The following SLC35C1 variants were observed in gnomAD, a reference collection of about 807,000 sequenced individuals.
SLC35C1 encodes the protein solute carrier family 35 member C1, also known as GDP-fucose transporter 1.
Under a neutral mutation model 23.2 loss-of-function variants are expected in SLC35C1, and 8 were observed. The ratio of observed to expected loss-of-function variants is 0.35; its 90% CI spans 0.20 to 0.62. The LOEUF (loss-of-function observed/expected upper bound fraction) is 0.62, where lower values mean the gene tolerates loss of function less well. Ranked by LOEUF, SLC35C1 falls within the 20% of genes least tolerant of loss-of-function variation. The pLI is 0.75. For missense variants in SLC35C1, 422 were observed against 478.6 expected, an observed-to-expected ratio of 0.88 and a Z score of 1.10; for synonymous variants, 226 against 225.1, an observed-to-expected ratio of 1.00 and a Z score of -0.04.
At chr11:45,807,015 TA>T in intron 1 of SLC35C1, 1 of 517,128 alleles carries the variant, frequency 1.9e-6, no homozygotes, top group Non-Finnish European at 2.5e-6. Context: ...GAAATTATGC[TA>T]ATTATTTCAC....
chr11:45,812,275 G>C lies in SLC35C1; in HGVS notation c.*940G>C. ...GCCTTCCACCCCAGCTGTGTCTGGC[G>C]CCCCTAGATCTCTGCAAGGGAGGTG... On this transcript the variant is annotated 3_prime_UTR_variant, in exon 2 of 2. Transcript: ENST00000314134. 3.5e-6 allele frequency: 1 copy of C among 287,310 alleles called. No individual in the cohort carries two copies. Among genetic ancestry groups the C allele is most frequent in the Non-Finnish European group, 7.1e-6 (1 of 141,110 alleles). The allele number at this position is 287,310 out of a possible 1,614,324, so 17.8% of individuals were successfully genotyped here.
rs182686187 is a variant in SLC35C1, at chr11:45,812,309, G to C, written c.*974G>C. The stretch of plus-strand genomic sequence containing the variant: ...TCTCTGCAAGGGAGGTGTTACAGCT[G>C]GTTCTGAGCCGCTTGCCTTGTGATG... On this transcript the variant is annotated 3_prime_UTR_variant, in exon 2 of 2. Coordinates refer to ENST00000314134, the MANE Select transcript of SLC35C1 (RefSeq NM_018389.5). 1.3e-4 allele frequency: 44 copies of C among 345,544 alleles called. No individual in the cohort carries two copies. The East Asian group carries it at 3.2e-3, about 25-fold the overall frequency. The allele number at this position is 345,544 out of a possible 1,614,324, so 21.4% of individuals were successfully genotyped here.
In SLC35C1 at chr11:45,812,918, C is replaced by G. The variant is rs560449996; in HGVS notation, c.*1583C>G. On this transcript the variant is annotated 3_prime_UTR_variant, in exon 2 of 2. Transcript: ENST00000314134. The stretch of plus-strand genomic sequence containing the variant: ...CTAGGGAGAGCGGGTCTTCTCCCCC[C>G]TCCCTCTCCAGTCCCCTCACAATCC... 6.5e-6 allele frequency: 2 copies of G among 305,886 alleles called. No homozygotes were observed. Among genetic ancestry groups the G allele is most frequent in the African/African-American group, 4.3e-5 (2 of 46,300 alleles). The allele number at this position is 305,886 out of a possible 1,614,324, so 18.9% of individuals were successfully genotyped here.
At position 45,812,476 on chromosome 11, in the gene SLC35C1, C is replaced by T. The variant is rs1565044709; in HGVS notation, c.*1141C>T. ...ACAACAGAAACGTATTGCTCACAGT[C>T]CTGGGGGGCTGGGACGCCCAAGATC... On this transcript the variant is annotated 3_prime_UTR_variant, in exon 2 of 2. Coordinates refer to ENST00000314134, the MANE Select transcript of SLC35C1 (RefSeq NM_018389.5). 2 of 451,936 alleles carry T rather than the reference C, an allele frequency of 4.4e-6. No individual in the cohort carries two copies. The highest frequency in any genetic ancestry group is 1.4e-4 in the East Asian group (2 of 14,388). The allele number at this position is 451,936 out of a possible 1,614,324, so 28.0% of individuals were successfully genotyped here.
rs1055710554 is a variant in SLC35C1, at chr11:45,805,591, C to A, written c.-211C>A. 9 of 1,458,960 alleles carry A rather than the reference C, an allele frequency of 6.2e-6. No homozygotes were observed. Among genetic ancestry groups the A allele is most frequent in the Non-Finnish European group, 8.1e-6 (9 of 1,106,652 alleles). The allele number at this position is 1,458,960 out of a possible 1,614,324, so 90.4% of individuals were successfully genotyped here. On this transcript the variant is annotated 5_prime_UTR_variant, in exon 1 of 2. The change creates a premature stop within an existing upstream ORF in the 5' untranslated region. Transcript: ENST00000314134. ...CCTGTGTCTTGTCTCAGAGCCCCCT[C>A]GGGGTGGGAGTAGGTTGTGGAGCAG... is the stretch of plus-strand genomic sequence containing the variant.
At chr11:45,809,515 T>C (rs2085913678) in intron 1 of SLC35C1, among the ~76,000 whole-genome samples, 2 of 152,154 alleles carry the variant, frequency 1.3e-5, no homozygotes, top group South Asian at 4.1e-4. Context: ...GTGAGTGGAA[T>C]TTCTCCTGAA....
chr11:45,810,337 C>T (rs2085924917), intron 1 of SLC35C1: 1 of 985,432 alleles, frequency 1.0e-6, no homozygotes, highest in Non-Finnish European at 1.2e-6. Flanking sequence ...CGCAGGGTCA[C>T]CTTAAATCAC....
At chr11:45,810,647 GC>G in intron 1 of SLC35C1, 128 bp from the exon 2 acceptor site, 2 of 1,454,090 alleles carry the variant, frequency 1.4e-6, no homozygotes, top group Non-Finnish European at 1.8e-6. Context: ...TTGGAGGGAG[GC>G]CTGGGGAGGA....
At chr11:45,804,552 G>C, upstream of SLC35C1, 1 of 985,590 alleles carries the variant, frequency 1.0e-6, no homozygotes, top group Non-Finnish European at 1.2e-6. Context: ...TGGAATCTCG[G>C]ATCCGGGCCG....
chr11:45,809,258 G>A (rs2085910084), intron 1 of SLC35C1, among the ~76,000 whole-genome samples: 1 of 152,198 alleles, frequency 6.6e-6, no homozygotes, highest in African/African-American at 2.4e-5. Context: ...GGCTGTGATG[G>A]GGCATGCATA....
chr11:45,810,540 T>C, intron 1 of SLC35C1: 1 of 985,432 alleles, frequency 1.0e-6, no homozygotes, highest in East Asian at 1.1e-4. Flanking sequence ...TCTCCTCTGC[T>C]AGCAGATAAG....
In SLC35C1 at chr11:45,810,993, G is replaced by C; in HGVS notation, c.753G>C (p.Glu251Asp). The change falls in exon 2 of 2, where the codon GAG becomes GAC. Residue 251 changes from glutamate to aspartate, a missense_variant. Transcript: ENST00000314134. ...TGCCCCTGCTCCTGCTGCTCGGGGA[G>C]CTTCAGGCCCTGCGTGACTTTGCCC... Reference protein sequence around the residue: ...LFLPLLLLLGELQALRDFAQL... With the variant: ...LFLPLLLLLGDLQALRDFAQL... The C allele has an allele frequency of 1.9e-6, 3 of 1,612,882 alleles. No individual in the cohort carries two copies. Among genetic ancestry groups the C allele is most frequent in the Non-Finnish European group, 2.5e-6 (3 of 1,180,028 alleles).
At position 45,812,588 on chromosome 11, in the gene SLC35C1, A is replaced by G. The variant is rs1482634747; in HGVS notation, c.*1253A>G. ...TCGCTGTATCCTCAATGGTAGAAGC[A>G]CAAACAAGCAAGCTCCTTCCTGCCT... On this transcript the variant is annotated 3_prime_UTR_variant, in exon 2 of 2. Coordinates refer to ENST00000314134, the MANE Select transcript of SLC35C1 (RefSeq NM_018389.5). 3.1e-5 allele frequency: 14 copies of G among 455,958 alleles called. No homozygotes were observed. 28.2% of individuals were successfully genotyped at this position (455,958 alleles called of 1,614,324 possible). A position where few individuals can be genotyped will look rare whatever the true frequency, so the allele number is the denominator to read the frequency against.
chr11:45,804,726 G>A (rs879567428), upstream of SLC35C1: 13 of 985,576 alleles, frequency 1.3e-5, no homozygotes, highest in South Asian at 4.7e-5. Context: ...TGTTATGGAA[G>A]AGTGAGCTCG....
chr11:45,804,516 G>A (rs925710350), upstream of SLC35C1: 7 of 985,594 alleles, frequency 7.1e-6, no homozygotes, highest in African/African-American at 1.0e-4. Context: ...TTTCTGGAAG[G>A]GGTAAGAGAT....
At position 45,806,283 on chromosome 11, in the gene SLC35C1, T is replaced by G. The variant is rs778718913; in HGVS notation, c.482T>G (p.Leu161Arg). 1 of 1,612,442 alleles carries G rather than the reference T, an allele frequency of 6.2e-7. No individual in the cohort carries two copies. Among genetic ancestry groups the G allele is most frequent in the Non-Finnish European group, 8.5e-7 (1 of 1,179,998 alleles). Residue 161 changes from leucine (L) to arginine (R), a missense_variant, in exon 1 of 2, where the codon CTG (leucine) becomes CGG (arginine). Leu to Arg is a moderately radical substitution (Grantham distance 102, BLOSUM62 -2). Transcript: ENST00000314134. ...TVFNVLLSYL[L>R]LKQTTSFYAL... Reference sequence around the variant, plus strand: ...TTCAACGTGCTGCTCTCCTACCTGCTGCTCAAGCAGACCACCTCCTTCTAT... The same window carrying G: ...TTCAACGTGCTGCTCTCCTACCTGCGGCTCAAGCAGACCACCTCCTTCTAT...
Position 45,805,504 on chromosome 11 carries a change from T to A in SLC35C1, c.-298T>A. 1 of 1,317,372 alleles carries A rather than the reference T, an allele frequency of 7.6e-7. No homozygotes were observed. 81.6% of individuals were successfully genotyped at this position (1,317,372 alleles called of 1,614,324 possible). A position where few individuals can be genotyped will look rare whatever the true frequency, so the allele number is the denominator to read the frequency against. On this transcript the variant is annotated 5_prime_UTR_variant, in exon 1 of 2. Coordinates refer to ENST00000314134, the MANE Select transcript of SLC35C1 (RefSeq NM_018389.5). The stretch of plus-strand genomic sequence containing the variant: ...CCCCTCCCTGTTAGGCCCCAGCCTC[T>A]TCTCCCCTCACAGGTCTTCTCTGTC...
rs181710036 is a variant in SLC35C1, at chr11:45,805,673, C to T, written c.-129C>T. The T allele has an allele frequency of 1.9e-6, 3 of 1,562,002 alleles. No homozygotes were observed. Among genetic ancestry groups the T allele is most frequent in the South Asian group, 2.3e-5 (2 of 87,176 alleles). On this transcript the variant is annotated 5_prime_UTR_variant, in exon 1 of 2. Transcript: ENST00000314134. ...TCAATCCATGAGGACAATGGGGAGG[C>T]CTTTAGGCCAGCCCACATGTGACAA...
chr11:45,806,473 G>A, intron 1 of SLC35C1, 137 bp downstream of exon 1: 1 of 1,225,786 alleles, frequency 8.2e-7, no homozygotes, highest in South Asian at 1.3e-5. Flanking sequence ...AGAGCCTGGG[G>A]GCACAGAGAG....
Sources: gnomAD v4.1 joint callset for allele counts (sites outside exome capture counted in the v4.1 genomes callset) on GRCh38, gnomAD v4.1.1 for gene constraint, MANE v1.5 for transcripts, NCBI Gene and HGNC (gene_info 2026-07-23, HGNC 2026-07-21) for gene names.